The following OR1J2 variants were observed in gnomAD, a reference collection of about 807,000 sequenced individuals.
The protein encoded by OR1J2 is olfactory receptor family 1 subfamily J member 2.
For missense variants in OR1J2, 304 were observed against 246.1 expected, an observed-to-expected ratio of 1.24 and a Z score of -1.57; for synonymous variants, 142 against 99.7, an observed-to-expected ratio of 1.42 and a Z score of -2.52.
upstream of OR1J2, among the ~76,000 whole-genome samples, chr9:122,506,760 G>GGGAGGAAGAGAGAGAAT (rs1828529461): frequency 6.6e-6 from 1 of 152,034 alleles, no homozygotes; most frequent in South Asian, 2.1e-4. Flanking sequence ...AGAGAGAGAA[G>GGGAGGAAGAGAGAGAAT]GAAGGAACAG....
At chr9:122,527,393 A>G in the OR1J2 span, 4 of 667,356 alleles carry the variant, frequency 6.0e-6, no homozygotes, top group Admixed American at 5.8e-5. Context: ...AGTTCATTAT[A>G]TTCCTAATCC....
the OR1J2 span, among the ~76,000 whole-genome samples, chr9:122,483,613 C>G: frequency 1.8e-4 from 27 of 152,246 alleles, no homozygotes; most frequent in African/African-American, 6.5e-4. Flanking sequence ...TTAAAAATTT[C>G]TTTGTAGTGG....
the OR1J2 span, among the ~76,000 whole-genome samples, chr9:122,461,810 C>A: frequency 6.6e-6 from 1 of 152,026 alleles, no homozygotes; most frequent in Admixed American, 6.6e-5. Flanking sequence ...TTTCTTAAAT[C>A]TACTGAGACT....
At chr9:122,502,986 A>T in the OR1J2 span, among the ~76,000 whole-genome samples, 1 of 152,342 alleles carries the variant, frequency 6.6e-6, no homozygotes, top group African/African-American at 2.4e-5. Context: ...ATCTTGAAGA[A>T]TAGTATTCCA....
the OR1J2 span, among the ~76,000 whole-genome samples, chr9:122,474,794 G>A: frequency 2.6e-5 from 4 of 151,770 alleles, no homozygotes; most frequent in African/African-American, 9.7e-5. Context: ...CAGGACTGCA[G>A]TAATTCAGAT....
chr9:122,548,388 G>A, the OR1J2 span, among the ~76,000 whole-genome samples: 1 of 152,088 alleles, frequency 6.6e-6, no homozygotes, highest in South Asian at 2.1e-4. Flanking sequence ...CTAGTACAGG[G>A]AGGAAATTTT....
the OR1J2 span, among the ~76,000 whole-genome samples, chr9:122,533,015 C>T: frequency 6.6e-6 from 1 of 152,170 alleles, no homozygotes; most frequent in African/African-American, 2.4e-5. Context: ...TGCGGCAGTA[C>T]AGCCCAGGTA....
the OR1J2 span, chr9:122,553,488 C>T: frequency 1.9e-6 from 3 of 1,613,806 alleles, no homozygotes; most frequent in Non-Finnish European, 2.5e-6. Context: ...TACCCAGAGT[C>T]AGATCATCTC....
At position 122,511,607 on chromosome 9, in the gene OR1J2, A is replaced by G; in HGVS notation, c.806A>G (p.Asp269Gly). 1.3e-6 allele frequency: 1 copy of G among 781,040 alleles called. No homozygotes were observed. Among genetic ancestry groups the G allele is most frequent in the Non-Finnish European group, 2.4e-6 (1 of 418,130 alleles). The allele number at this position is 781,040 out of a possible 1,614,324, so 48.4% of individuals were successfully genotyped here. A position where few individuals can be genotyped will look rare whatever the true frequency, so the allele number is the denominator to read the frequency against. ...TTCCCGACTGTAAGCAGTTCTATTG[A>G]CAAGGATGTCATTGTGGCTCTCATG... ...YLFPTVSSSI[D>G]KDVIVALMYT... Residue 269 changes from aspartate (D) to glycine (G), a missense_variant, in exon 1 of 1, where the codon GAC becomes GGC. Asp to Gly is a moderately conservative substitution (Grantham distance 94). Coordinates refer to ENST00000335302, the MANE Select transcript of OR1J2 (RefSeq NM_054107.1).
chr9:122,475,917 T>C, the OR1J2 span: 1 of 152,240 alleles, frequency 6.6e-6, no homozygotes, highest in African/African-American at 2.4e-5. Flanking sequence ...TAAACTATTA[T>C]AGTCTTTGCT....
At chr9:122,530,022 TACAAATGGCAA>T in the OR1J2 span, among the ~76,000 whole-genome samples, 4 of 152,142 alleles carry the variant, frequency 2.6e-5, no homozygotes, top group Non-Finnish European at 5.9e-5. Context: ...GAATAATGAA[TACAAATGGCAA>T]ACAGCTGGAA....
At chr9:122,569,537 G>T in the OR1J2 span, among the ~76,000 whole-genome samples, 1 of 152,086 alleles carries the variant, frequency 6.6e-6, no homozygotes, top group South Asian at 2.1e-4. Context: ...CATACCTTGT[G>T]AATAGGCATA....
chr9:122,450,260 G>A, the OR1J2 span, among the ~76,000 whole-genome samples: 5 of 152,036 alleles, frequency 3.3e-5, no homozygotes, highest in African/African-American at 7.2e-5. Context: ...GCGAAACTCC[G>A]TCTCTACTAA....
At chr9:122,454,255 C>T in the OR1J2 span, among the ~76,000 whole-genome samples, 2 of 152,180 alleles carry the variant, frequency 1.3e-5, no homozygotes, top group Non-Finnish European at 1.5e-5. Context: ...CAGTGGCTCA[C>T]GCCTGTAATC....
chr9:122,509,459 A>G (rs533749168), upstream of OR1J2, among the ~76,000 whole-genome samples: 36 of 152,360 alleles, frequency 2.4e-4, no homozygotes, highest in Middle Eastern at 3.4e-3. Context: ...AATTTAAGAT[A>G]ATGTCACTTA....
At chr9:122,515,606 A>T (rs114435106), downstream of OR1J2, among the ~76,000 whole-genome samples, 2,519 of 152,188 alleles carry the variant, frequency 0.017, 63 homozygotes, top group African/African-American at 0.058. Flanking sequence ...TTCATGTTCT[A>T]GATATTAGAA....
the OR1J2 span, among the ~76,000 whole-genome samples, chr9:122,580,121 C>T: frequency 6.6e-6 from 1 of 152,094 alleles, no homozygotes; most frequent in East Asian, 1.9e-4. Context: ...AAAGCAAATG[C>T]CTGTCAGCAA....
At chr9:122,552,059 T>TA in the OR1J2 span, among the ~76,000 whole-genome samples, 3 of 103,350 alleles carry the variant, frequency 2.9e-5, no homozygotes, top group East Asian at 8.8e-4. Context: ...ACACATACAC[T>TA]CTCTCTCTCT....
the OR1J2 span, among the ~76,000 whole-genome samples, chr9:122,566,058 C>T: frequency 7.7e-4 from 117 of 152,132 alleles, no homozygotes; most frequent in African/African-American, 2.8e-3. Flanking sequence ...AGGGTGACCT[C>T]TTATTTATCA....
Sources: allele counts gnomAD v4.1 joint callset (sites outside exome capture counted in the v4.1 genomes callset), GRCh38; gene constraint gnomAD v4.1.1; transcripts MANE v1.5; gene names NCBI Gene and HGNC (gene_info 2026-07-23, HGNC 2026-07-21).